CSMD2: variants seen among roughly 807,000 people sequenced by gnomAD.
The protein encoded by CSMD2 is CUB and sushi domain-containing protein 2.
Under a neutral mutation model 398.5 loss-of-function variants are expected in CSMD2, and 130 were observed. The ratio of observed to expected loss-of-function variants is 0.33; its 90% CI spans 0.28 to 0.38. CSMD2 has a LOEUF of 0.38. Among genes scored for constraint, CSMD2 ranks in the 10% least tolerant of loss-of-function variants. The probability of loss-of-function intolerance (pLI) is 1.00; values close to 1 mark genes in which losing one functional copy is unlikely to be tolerated. For synonymous variants in CSMD2, 1,828 were observed against 1,908.5 expected (o/e 0.96, Z 1.10); for missense variants, 3,829 against 4,764.9 (o/e 0.80, Z 5.78).
At chr1:33,845,507 G>T (rs1196134390) in intron 6 of CSMD2, among the ~76,000 whole-genome samples, 4 of 152,172 alleles carry the variant, frequency 2.6e-5, no homozygotes, top group Non-Finnish European at 4.4e-5. Context: ...TGAAATATTA[G>T]AAACACCCAG....
chr1:33,761,650 G>A (rs1470677502), intron 13 of CSMD2, among the ~76,000 whole-genome samples: 1 of 152,150 alleles, frequency 6.6e-6, no homozygotes, highest in African/African-American at 2.4e-5. Context: ...CCTGAGCTCT[G>A]TTAGAGAGCT....
intron 3 of CSMD2, among the ~76,000 whole-genome samples, chr1:33,994,435 G>A (rs771895050): frequency 5.3e-5 from 8 of 152,050 alleles, no homozygotes; most frequent in Non-Finnish European, 7.4e-5. Context: ...CACGCTCACA[G>A]CACCATGGAT....
rs1191240075 is a variant in CSMD2, at chr1:33,636,857, C to T, written c.4775-303G>A. 6.6e-6 allele frequency among the ~76,000 whole-genome samples: 1 copy of T among 152,184 alleles called. No homozygotes were observed. The highest frequency in any genetic ancestry group is 2.4e-5 in the African/African-American group (1 of 41,444). On this transcript the variant is annotated intron_variant, in intron 29 of 70. Coordinates refer to ENST00000373381, the MANE Select transcript of CSMD2 (RefSeq NM_001281956.2). The surrounding 1 kb of genome is among the most constrained non-coding windows in gnomAD (Gnocchi z 4.8). ...GCCCTCTCTCATCCCCTGCTTGCTC[C>T]TCCCCAAGGGAAACATGTGTTTCTC...
intron 29 of CSMD2, among the ~76,000 whole-genome samples, chr1:33,643,570 C>T (rs1445120167): frequency 1.3e-5 from 2 of 152,176 alleles, no homozygotes; most frequent in Non-Finnish European, 2.9e-5. Context: ...ACAACTCCTT[C>T]GTTTAGTGTC....
intron 12 of CSMD2, among the ~76,000 whole-genome samples, chr1:33,788,191 G>A (rs1362086359): frequency 6.6e-6 from 1 of 152,102 alleles, no homozygotes; most frequent in Non-Finnish European, 1.5e-5. Context: ...GCCTAAGGGG[G>A]AGGAAGCTAG....
Position 33,989,013 on chromosome 1 carries a change from CATATAT to C in CSMD2, c.517+43575_517+43580del, listed in dbSNP as rs71029018. 3.0e-3 allele frequency among the ~76,000 whole-genome samples: 281 copies of C among 94,196 alleles called. 1 individual carries two copies. The highest frequency in any genetic ancestry group is 3.8e-3 in the Non-Finnish European group (173 of 45,170). The allele number at this position is 94,196 out of a possible 152,430, so 61.8% of individuals were successfully genotyped here. A position where few individuals can be genotyped will look rare whatever the true frequency, so the allele number is the denominator to read the frequency against. On this transcript the variant is annotated intron_variant, in intron 3 of 70. Transcript: ENST00000373381. ...ACAGGTAAAAATCTCTCTCTCTCTC[CATATAT>C]ATATATATATATATATATATATATA... is the stretch of plus-strand genomic sequence containing the variant.
chr1:33,516,762 G>A (rs935913363), intron 70 of CSMD2, among the ~76,000 whole-genome samples, 192 bp from the exon 71 acceptor site: 5 of 152,204 alleles, frequency 3.3e-5, no homozygotes, highest in African/African-American at 9.7e-5. Flanking sequence ...TAGGGAATAC[G>A]TGCAGCAGAA....
intron 12 of CSMD2, among the ~76,000 whole-genome samples, chr1:33,786,202 T>C (rs760089483): frequency 6.6e-6 from 1 of 152,242 alleles, no homozygotes; most frequent in Non-Finnish European, 1.5e-5. Context: ...TGACTAGTAT[T>C]GTCATCCCTT....
At chr1:33,864,199 A>T (rs774960296) in intron 5 of CSMD2, 1 of 1,595,666 alleles carries the variant, frequency 6.3e-7, no homozygotes. Flanking sequence ...AACATGGGAA[A>T]AGAAATCCAG....
chr1:33,909,633 A>C (rs1445019478), intron 5 of CSMD2, among the ~76,000 whole-genome samples: 1 of 152,120 alleles, frequency 6.6e-6, no homozygotes, highest in Non-Finnish European at 1.5e-5. Flanking sequence ...CTGGTAATGA[A>C]GATGAAATGG....
At chr1:33,979,649 G>T (rs868644307) in intron 3 of CSMD2, among the ~76,000 whole-genome samples, 2 of 152,212 alleles carry the variant, frequency 1.3e-5, no homozygotes, top group Non-Finnish European at 2.9e-5. Context: ...AGAGAAGGGA[G>T]ACAGCAGCCA....
At chr1:33,987,013 C>T (rs147302552) in intron 3 of CSMD2, among the ~76,000 whole-genome samples, 7 of 152,128 alleles carry the variant, frequency 4.6e-5, no homozygotes, top group South Asian at 4.2e-4. Flanking sequence ...TAGCCATGGC[C>T]GATGGCACAG....
chr1:34,067,321 T>C (rs992750430), intron 2 of CSMD2, among the ~76,000 whole-genome samples: 4 of 152,228 alleles, frequency 2.6e-5, no homozygotes, highest in Non-Finnish European at 4.4e-5. Flanking sequence ...GATTTAAACA[T>C]GTACAAAAGA....
Position 33,624,028 on chromosome 1 carries a change from C to T in CSMD2, c.5625+491G>A, listed in dbSNP as rs1403088843. Among the ~76,000 whole-genome samples, 1 of 152,194 alleles carries T rather than the reference C, an allele frequency of 6.6e-6. No individual in the cohort carries two copies. The highest frequency in any genetic ancestry group is 1.5e-5 in the Non-Finnish European group (1 of 68,032). ...CTACAGCTCATGCTGTGCGTGGTTC[C>T]CTAGGTGTGTGCCTGGGGGTTCTCT... On this transcript the variant is annotated intron_variant, in intron 35 of 70. Coordinates refer to ENST00000373381, the MANE Select transcript of CSMD2 (RefSeq NM_001281956.2). This position sits in a 1 kb window ranked among gnomAD's most constrained non-coding sequence, Gnocchi z 4.7.
chr1:33,723,773 C>T (rs1173169340), intron 19 of CSMD2, among the ~76,000 whole-genome samples: 1 of 152,192 alleles, frequency 6.6e-6, no homozygotes, highest in East Asian at 1.9e-4. Flanking sequence ...TTTTCAGAGA[C>T]ACCTAATAGA....
At chr1:34,108,518 T>C (rs995975605) in intron 1 of CSMD2, among the ~76,000 whole-genome samples, 4 of 152,170 alleles carry the variant, frequency 2.6e-5, no homozygotes, top group Non-Finnish European at 5.9e-5. Context: ...CTGTCCATGG[T>C]CCGGAACCGT....
intron 3 of CSMD2, among the ~76,000 whole-genome samples, chr1:33,976,090 C>T (rs577642778): frequency 1.3e-5 from 2 of 152,178 alleles, no homozygotes; most frequent in Non-Finnish European, 2.9e-5. Context: ...CGATGCTGAG[C>T]CAAGGGACCC....
chr1:33,716,541 T>C (rs1483960896), intron 19 of CSMD2, 40 bp from the exon 20 acceptor site: 35 of 1,479,348 alleles, frequency 2.4e-5, no homozygotes, highest in African/African-American at 4.1e-5. Flanking sequence ...GATGGCGAGA[T>C]GGCTGGAGAA....
At chr1:33,794,935 T>C (rs1049938491) in intron 10 of CSMD2, among the ~76,000 whole-genome samples, 1 of 151,130 alleles carries the variant, frequency 6.6e-6, no homozygotes, top group African/African-American at 2.4e-5. Context: ...TGAGGTAGGA[T>C]GTGAGCCTGT....
Sources: gnomAD v4.1 joint callset for allele counts (sites outside exome capture counted in the v4.1 genomes callset) on GRCh38, gnomAD v4.1.1 for gene constraint, Gnocchi (gnomAD v3.1) non-coding constraint, MANE v1.5 for transcripts, NCBI Gene and HGNC (gene_info 2026-07-23, HGNC 2026-07-21) for gene names.